Variants in KCND3 observed in about 807,000 individuals in gnomAD.
KCND3 encodes the protein potassium voltage-gated channel subfamily D member 3, also known as A-type voltage-gated potassium channel KCND3.
A neutral mutation model predicts 51.1 loss-of-function variants in KCND3; 9 were observed. The observed-to-expected ratio is 0.18, with a 90% confidence interval of 0.11 to 0.31. The LOEUF (loss-of-function observed/expected upper bound fraction) is 0.31. Among genes scored for constraint, KCND3 ranks in the 10% least tolerant of loss-of-function variants. The probability of loss-of-function intolerance (pLI) is 1.00; values close to 1 mark genes in which losing one functional copy is unlikely to be tolerated. For synonymous variants in KCND3, 349 were observed against 368.0 expected (o/e 0.95, Z 0.59); for missense variants, 526 against 903.8 (o/e 0.58, Z 5.36).
rs1485083609 is a variant in KCND3, at chr1:111,988,149, C to T, written c.-73+1356G>A. On this transcript the variant is annotated intron_variant, in intron 1 of 7. Transcript: ENST00000302127. ...TGGAAACTTACTTTCCACAATCTCA[C>T]ATCACATCCCCTAGCTCAGAATGGG... Among the ~76,000 whole-genome samples the T allele has an allele frequency of 2.6e-5, 4 of 152,198 alleles. No individual in the cohort carries two copies. The East Asian group carries it at 7.7e-4, about 29-fold the overall frequency.
intron 1 of KCND3, among the ~76,000 whole-genome samples, chr1:111,983,389 C>T (rs1675081825): frequency 6.6e-6 from 1 of 152,088 alleles, no homozygotes; most frequent in African/African-American, 2.4e-5. Flanking sequence ...GAGGTTCTGT[C>T]CCCAACTCCC....
intron 2 of KCND3, among the ~76,000 whole-genome samples, chr1:111,976,902 C>T (rs1256240962): frequency 6.6e-6 from 1 of 152,228 alleles, no homozygotes; most frequent in Non-Finnish European, 1.5e-5. Context: ...CAGAGGCTGC[C>T]ATGCTGCCTG....
At chr1:111,831,659 G>A (rs1421855712) in intron 2 of KCND3, among the ~76,000 whole-genome samples, 2 of 152,118 alleles carry the variant, frequency 1.3e-5, no homozygotes, top group Non-Finnish European at 1.5e-5. Flanking sequence ...ACCTACTCCA[G>A]GAAGTCTTCA....
intron 2 of KCND3, among the ~76,000 whole-genome samples, chr1:111,788,114 T>G (rs1182950630): frequency 6.6e-6 from 1 of 152,234 alleles, no homozygotes; most frequent in Non-Finnish European, 1.5e-5. Flanking sequence ...TTGGCCTGGA[T>G]CCTACTCAGT....
At chr1:111,896,233 A>G (rs1464885813) in intron 2 of KCND3, among the ~76,000 whole-genome samples, 2 of 152,156 alleles carry the variant, frequency 1.3e-5, no homozygotes, top group African/African-American at 4.8e-5. Context: ...GAGTCTGTCC[A>G]CGGACGGCAT....
chr1:111,891,010 G>C (rs1426702195), intron 2 of KCND3, among the ~76,000 whole-genome samples: 1 of 152,166 alleles, frequency 6.6e-6, no homozygotes, highest in Non-Finnish European at 1.5e-5. Context: ...GCACTGACAG[G>C]CTGCATGGCA....
rs149528191 is a variant in KCND3, at chr1:111,986,541, C to G, written c.-73+2964G>C. ...AGGCCTTGCAATTCCAGTTTCAGTC[C>G]CATCCTCAATTTGTGAAAGCAAGCC... On this transcript the variant is annotated intron_variant, in intron 1 of 7. Coordinates refer to ENST00000302127, the MANE Select transcript of KCND3 (RefSeq NM_001378969.1). Among the ~76,000 whole-genome samples, 3 of 152,178 alleles carry G rather than the reference C, an allele frequency of 2.0e-5. No individual in the cohort carries two copies. The South Asian group carries it at 6.2e-4, about 32-fold the overall frequency.
intron 2 of KCND3, among the ~76,000 whole-genome samples, chr1:111,973,782 CT>C (rs1303581625): frequency 6.6e-6 from 1 of 152,158 alleles, no homozygotes; most frequent in Admixed American, 6.5e-5. Context: ...TTTGATTGGA[CT>C]TTCTGTATAT....
chr1:111,861,115 T>G (rs1252345190), intron 2 of KCND3, among the ~76,000 whole-genome samples: 1 of 151,272 alleles, frequency 6.6e-6, no homozygotes, highest in African/African-American at 2.4e-5. Flanking sequence ...TCTCAGGTGG[T>G]GACTAGTTGA....
At chr1:111,829,091 G>A (rs6677072) in intron 2 of KCND3, among the ~76,000 whole-genome samples, 1,962 of 152,344 alleles carry the variant, frequency 0.013, 40 homozygotes, top group African/African-American at 0.043. Flanking sequence ...AAGAGAGAAA[G>A]TCATGTGAGC....
intron 2 of KCND3, among the ~76,000 whole-genome samples, chr1:111,907,900 CCT>C (rs1405108107): frequency 6.6e-6 from 1 of 152,194 alleles, no homozygotes; most frequent in Non-Finnish European, 1.5e-5. Context: ...CTGGATTCTG[CCT>C]CTCTGCAGTG....
chr1:111,928,209 A>G (rs1671803291), intron 2 of KCND3, among the ~76,000 whole-genome samples: 1 of 152,210 alleles, frequency 6.6e-6, no homozygotes, highest in Non-Finnish European at 1.5e-5. Context: ...TGATTAGAAC[A>G]GTGTCTGTCG....
intron 2 of KCND3, among the ~76,000 whole-genome samples, chr1:111,966,424 T>C (rs571392254): frequency 6.6e-6 from 1 of 152,056 alleles, no homozygotes; most frequent in East Asian, 1.9e-4. Flanking sequence ...AGTGGAGGTA[T>C]CAGTAGGGCT....
At chr1:111,920,314 C>T (rs558279484) in intron 2 of KCND3, among the ~76,000 whole-genome samples, 154 of 145,990 alleles carry the variant, frequency 1.1e-3, no homozygotes, top group Non-Finnish European at 2.0e-3. Flanking sequence ...TCCTACAGCC[C>T]GACCTCACAC....
intron 2 of KCND3, among the ~76,000 whole-genome samples, chr1:111,948,409 C>T (rs753734672): frequency 1.3e-5 from 2 of 152,232 alleles, no homozygotes; most frequent in African/African-American, 4.8e-5. Context: ...CGTAGGGAGG[C>T]GGCAGCCCTG....
chr1:111,936,958 G>A (rs1557730838), intron 2 of KCND3, among the ~76,000 whole-genome samples: 1 of 152,216 alleles, frequency 6.6e-6, no homozygotes, highest in Non-Finnish European at 1.5e-5. Context: ...TGGTTGGATG[G>A]GGGTGAGACT....
intron 2 of KCND3, among the ~76,000 whole-genome samples, chr1:111,848,682 A>G (rs567609663): frequency 2.1e-4 from 32 of 152,290 alleles, no homozygotes; most frequent in African/African-American, 7.0e-4. Flanking sequence ...CACCCAGCAG[A>G]AGTCCTGACT....
At chr1:111,818,848 T>C (rs1299459029) in intron 2 of KCND3, among the ~76,000 whole-genome samples, 3 of 152,094 alleles carry the variant, frequency 2.0e-5, no homozygotes, top group Non-Finnish European at 4.4e-5. Flanking sequence ...GGCTGGTCCC[T>C]GAGGCATAGC....
At position 111,780,685 on chromosome 1, in the gene KCND3, C is replaced by A. The variant is rs1178012198; in HGVS notation, c.1371+5G>T. 1 of 1,605,926 alleles carries A rather than the reference C, an allele frequency of 6.2e-7. No homozygotes were observed. Among genetic ancestry groups the A allele is most frequent in the Non-Finnish European group, 8.5e-7 (1 of 1,175,978 alleles). ...TTCCCTAGCCCAGGTCCTCTAGGCA[C>A]CTACCGTCAGCTCCAGCGCCTCGTT... On this transcript the variant is annotated splice_donor_5th_base_variant and intron_variant, in intron 4 of 7. Coordinates refer to ENST00000302127, the MANE Select transcript of KCND3 (RefSeq NM_001378969.1). This position sits in a 1 kb window ranked among gnomAD's most constrained non-coding sequence, Gnocchi z 4.2.
Sources: gnomAD v4.1 joint callset for allele counts (sites outside exome capture counted in the v4.1 genomes callset) on GRCh38, gnomAD v4.1.1 for gene constraint, Gnocchi (gnomAD v3.1) non-coding constraint, MANE v1.5 for transcripts, NCBI Gene and HGNC (gene_info 2026-07-23, HGNC 2026-07-21) for gene names.